The following SORCS3 variants were observed in gnomAD, a reference collection of about 807,000 sequenced individuals.
SORCS3 encodes sortilin related VPS10 domain containing receptor 3.
A neutral mutation model predicts 146.3 loss-of-function variants in SORCS3; 57 were observed. The observed-to-expected ratio is 0.39, with a 90% CI of 0.31 to 0.49. SORCS3 has a LOEUF of 0.49. SORCS3 is among the 20% of genes least tolerant of loss of function. The pLI is 0.92. For missense variants in SORCS3, 1,341 were observed against 1,575.5 expected (o/e 0.85, Z 2.52); for synonymous variants, 653 against 618.5 (o/e 1.06, Z -0.83).
At chr10:104,898,665 T>C (rs910350502) in intron 2 of SORCS3, among the ~76,000 whole-genome samples, 3 of 152,240 alleles carry the variant, frequency 2.0e-5, no homozygotes, top group African/African-American at 7.2e-5. Context: ...TAGTGATAGA[T>C]GCCACTTTCA....
intron 1 of SORCS3, among the ~76,000 whole-genome samples, chr10:104,723,019 A>C (rs1199091463): frequency 1.3e-5 from 2 of 152,046 alleles, no homozygotes; most frequent in African/African-American, 2.4e-5. Context: ...GCCTTCTGCT[A>C]GCTTTTGAAT....
chr10:104,736,300 A>G (rs2016771639), intron 1 of SORCS3, among the ~76,000 whole-genome samples: 2 of 152,210 alleles, frequency 1.3e-5, no homozygotes, highest in South Asian at 4.2e-4. Flanking sequence ...GGGCGGGTTG[A>G]GGGGGGCAGG....
chr10:105,200,401 A>T (rs1445952666), intron 15 of SORCS3, among the ~76,000 whole-genome samples: 1 of 152,134 alleles, frequency 6.6e-6, no homozygotes, highest in East Asian at 1.9e-4. Context: ...CTATCCATGG[A>T]GAAATGAGCT....
intron 1 of SORCS3, among the ~76,000 whole-genome samples, chr10:104,653,601 T>C (rs2015588479): frequency 6.6e-6 from 1 of 152,216 alleles, no homozygotes; most frequent in African/African-American, 2.4e-5. Context: ...CAGGCTTAGA[T>C]GATGAATCAT....
intron 1 of SORCS3, among the ~76,000 whole-genome samples, chr10:104,775,107 C>A (rs2017293971): frequency 6.6e-6 from 1 of 152,150 alleles, no homozygotes; most frequent in African/African-American, 2.4e-5. Flanking sequence ...ATTGAGTGTT[C>A]ACCCTTGGGA....
intron 4 of SORCS3, among the ~76,000 whole-genome samples, chr10:105,020,451 A>G (rs1393648189): frequency 6.6e-6 from 1 of 152,166 alleles, no homozygotes; most frequent in Non-Finnish European, 1.5e-5. Context: ...TAGGTGTGTC[A>G]TCGTATTCTC....
At chr10:104,982,176 C>T (rs2054935196) in intron 4 of SORCS3, among the ~76,000 whole-genome samples, 1 of 152,126 alleles carries the variant, frequency 6.6e-6, no homozygotes, top group Non-Finnish European at 1.5e-5. Context: ...TAGCTGGCAA[C>T]ACAGGACCCA....
chr10:105,048,402 G>A (rs2133708549), intron 5 of SORCS3, among the ~76,000 whole-genome samples: 1 of 151,382 alleles, frequency 6.6e-6, no homozygotes, highest in South Asian at 2.1e-4. Context: ...GATGAAGCTG[G>A]AAACCATCAT....
At chr10:104,912,818 T>C (rs1490841164) in intron 2 of SORCS3, among the ~76,000 whole-genome samples, 2 of 152,054 alleles carry the variant, frequency 1.3e-5, no homozygotes, top group Non-Finnish European at 2.9e-5. Context: ...ATAGGATAAA[T>C]GCTTAAATAG....
At chr10:105,211,851 T>C (rs2056636044) in intron 17 of SORCS3, among the ~76,000 whole-genome samples, 1 of 152,222 alleles carries the variant, frequency 6.6e-6, no homozygotes, top group East Asian at 1.9e-4. Context: ...ATTTCACAAG[T>C]GGATGGGTGG....
Position 104,641,313 on chromosome 10 carries a change from G to C in SORCS3, c.-15G>C. ...CCACACACTCGGCAGCCCGAGCCGC[G>C]GTAGCCGCAGCGGGATGGAGGCGGC... is the stretch of plus-strand genomic sequence containing the variant. On this transcript the variant is annotated 5_prime_UTR_variant, in exon 1 of 27. Transcript: ENST00000369701. This position sits in a 1 kb window ranked among gnomAD's most constrained non-coding sequence, Gnocchi z 6.4. The C allele has an allele frequency of 1.6e-6, 2 of 1,282,906 alleles. No individual in the cohort carries two copies. Among genetic ancestry groups the C allele is most frequent in the South Asian group, 2.5e-5 (1 of 40,312 alleles). 79.5% of individuals were successfully genotyped at this position (1,282,906 alleles called of 1,614,324 possible). A position where few individuals can be genotyped will look rare whatever the true frequency, so the allele number is the denominator to read the frequency against.
intron 7 of SORCS3, among the ~76,000 whole-genome samples, chr10:105,119,364 A>G (rs2133763862): frequency 6.6e-6 from 1 of 152,290 alleles, no homozygotes. Flanking sequence ...CCTCATAGAG[A>G]ACCTCTGCTA....
chr10:105,119,929 G>A (rs1264817046), intron 7 of SORCS3, among the ~76,000 whole-genome samples: 4 of 152,116 alleles, frequency 2.6e-5, no homozygotes, highest in African/African-American at 9.7e-5. Context: ...TAAAACTTTG[G>A]GGAACTTTTG....
rs2133763361 is a variant in SORCS3 at position 105,118,749 on chromosome 10, T to C, written c.1212+13234T>C. On this transcript the variant is annotated intron_variant, in intron 7 of 26. Transcript: ENST00000369701. ...TCTTGTTATGCTTTAGCAAAGAGAC[T>C]TGTGGGTTTTTGCCCTTGCCCTGGA... Among the ~76,000 whole-genome samples the C allele has an allele frequency of 1.3e-5, 2 of 152,266 alleles. 1 individual carries two copies. The highest frequency in any genetic ancestry group is 4.2e-4 in the South Asian group (2 of 4,816).
intron 5 of SORCS3, among the ~76,000 whole-genome samples, chr10:105,088,953 A>T (rs1383423450): frequency 6.6e-6 from 1 of 152,172 alleles, no homozygotes; most frequent in Non-Finnish European, 1.5e-5. Flanking sequence ...TGCCAGAGAG[A>T]GTGGATTGTG....
chr10:105,182,468 G>A (rs1398145128), intron 14 of SORCS3, among the ~76,000 whole-genome samples: 1 of 151,882 alleles, frequency 6.6e-6, no homozygotes, highest in Non-Finnish European at 1.5e-5. Flanking sequence ...AATTCTCTAA[G>A]GTTTGTTCCA....
chr10:105,164,339 G>T lies in SORCS3; in HGVS notation c.1769G>T (p.Gly590Val), dbSNP rs2056294098. Residue 590 changes from glycine to valine, a missense_variant, in exon 12 of 27, where the codon GGT (glycine) becomes GTT (valine). Physicochemically the swap from Gly to Val is moderately radical, Grantham distance 109. Coordinates refer to ENST00000369701, the MANE Select transcript of SORCS3 (RefSeq NM_014978.3). ...IGPELSYTDI[G>V]VFISSDGGNT... ...CCGGAGCTCTCATATACTGATATTG[G>T]TGTGTTCATCTCCTCCGATGGGGGC... 6.2e-7 allele frequency: 1 copy of T among 1,613,690 alleles called. No individual in the cohort carries two copies.
In SORCS3 at chr10:105,105,377, A is replaced by G; in HGVS notation, c.1094-20A>G. On this transcript the variant is annotated intron_variant, in intron 6 of 26. Coordinates refer to ENST00000369701, the MANE Select transcript of SORCS3 (RefSeq NM_014978.3). ...TGATTTTCACTTGTATCTAAGCATC[A>G]CTCTACCCTCCTGTTTCAGATGCTC... The G allele has an allele frequency of 1.3e-6, 2 of 1,540,270 alleles. No homozygotes were observed. Among genetic ancestry groups the G allele is most frequent in the Non-Finnish European group, 1.8e-6 (2 of 1,113,518 alleles).
intron 7 of SORCS3, among the ~76,000 whole-genome samples, chr10:105,129,543 A>G (rs1420101231): frequency 6.6e-6 from 1 of 151,732 alleles, no homozygotes; most frequent in African/African-American, 2.4e-5. Context: ...CTCTTATTAC[A>G]TTATTTGGGA....
Sources: allele counts gnomAD v4.1 joint callset (sites outside exome capture counted in the v4.1 genomes callset), GRCh38; gene constraint gnomAD v4.1.1; non-coding constraint Gnocchi (gnomAD v3.1); transcripts MANE v1.5; gene names NCBI Gene and HGNC (gene_info 2026-07-23, HGNC 2026-07-21).